Variants in UBA2 observed in about 807,000 individuals in gnomAD.
UBA2 encodes ubiquitin like modifier activating enzyme 2.
UBA2 carries 11 observed loss-of-function variants against 77.2 expected under a neutral mutation model. The observed-to-expected ratio is 0.14, with a 90% CI of 0.09 to 0.24. The LOEUF is 0.24. Among genes scored for constraint, UBA2 ranks in the 10% least tolerant of loss-of-function variants. The pLI, the probability that UBA2 is intolerant of heterozygous loss-of-function variation, is 1.00. For synonymous variants in UBA2, 278 were observed against 276.7 expected, an observed-to-expected ratio of 1.00 and a Z score of -0.05; for missense variants, 487 against 781.7, an observed-to-expected ratio of 0.62 and a Z score of 4.50.
chr19:34,432,804 C>T lies in UBA2; in HGVS notation c.294-544C>T, dbSNP rs191782401. ...TCCCGACCTCAGGTGATCCACCCGCCTTGGCCTCCCAAAGTGCAGGGATTA... is the reference window on the plus strand; with the variant it reads ...TCCCGACCTCAGGTGATCCACCCGCTTTGGCCTCCCAAAGTGCAGGGATTA... On this transcript the variant is annotated intron_variant, in intron 3 of 16. Transcript: ENST00000246548. Among the ~76,000 whole-genome samples, 9 of 152,350 alleles carry T rather than the reference C, an allele frequency of 5.9e-5. No individual in the cohort carries two copies. The East Asian group carries it at 1.7e-3, about 29-fold the overall frequency.
chr19:34,450,247 C>G lies in UBA2; in HGVS notation c.772-18C>G, dbSNP rs771879232. On this transcript the variant is annotated intron_variant, in intron 8 of 16. Transcript: ENST00000246548. ...TTAGGGATTATGGGGTTCATGGGATCTGTCTTTCTTTTGTAAGCTTTTTAA... is the reference window on the plus strand; with the variant it reads ...TTAGGGATTATGGGGTTCATGGGATGTGTCTTTCTTTTGTAAGCTTTTTAA... 5.7e-6 allele frequency: 9 copies of G among 1,569,612 alleles called. No homozygotes were observed. The highest frequency in any genetic ancestry group is 3.5e-5 in the Admixed American group (2 of 57,452).
At chr19:34,445,939 A>G (rs79492554) in intron 8 of UBA2, among the ~76,000 whole-genome samples, 2,510 of 152,260 alleles carry the variant, frequency 0.016, 70 homozygotes, top group African/African-American at 0.058. Flanking sequence ...TTGTTCATCT[A>G]GACCCGTAGG....
rs1599939517 is a variant in UBA2, at chr19:34,467,142, T to C, written c.1741+128T>C. The C allele has an allele frequency of 5.1e-5, 58 of 1,142,538 alleles. 1 individual carries two copies. In the South Asian group the frequency reaches 8.7e-4, roughly 17 times the overall value. 70.8% of individuals were successfully genotyped at this position (1,142,538 alleles called of 1,614,324 possible). ...AGGTGTGTATTGGTTTGGTATTGAT[T>C]GTTGTAATGGAGCTTTGAATTTATG... On this transcript the variant is annotated intron_variant, in intron 16 of 16. Coordinates refer to ENST00000246548, the MANE Select transcript of UBA2 (RefSeq NM_005499.3).
chr19:34,432,960 C>G (rs1358657214), intron 3 of UBA2, among the ~76,000 whole-genome samples: 4 of 152,114 alleles, frequency 2.6e-5, no homozygotes, highest in Non-Finnish European at 4.4e-5. Flanking sequence ...AACAGAGACC[C>G]TAGGGGCCTG....
chr19:34,433,361 G>T lies in UBA2; in HGVS notation c.307G>T (p.Val103Leu). 1.2e-6 allele frequency: 2 copies of T among 1,611,920 alleles called. No individual in the cohort carries two copies. Among genetic ancestry groups the T allele is most frequent in the Non-Finnish European group, 1.7e-6 (2 of 1,178,724 alleles). Residue 103 changes from valine (V) to leucine (L), a missense_variant, in exon 4 of 17, where the codon GTG becomes TTG. Coordinates refer to ENST00000246548, the MANE Select transcript of UBA2 (RefSeq NM_005499.3). ...TTTGTTTTGTAGCCCTGACTATAAT[G>T]TGGAATTTTTCCGACAGTTTATACT... is the stretch of plus-strand genomic sequence containing the variant. ...HDSIMNPDYN[V>L]EFFRQFILVM... is the part of the protein sequence containing the mutation.
intron 6 of UBA2, among the ~76,000 whole-genome samples, chr19:34,440,293 A>G (rs973070506): frequency 2.7e-5 from 4 of 149,584 alleles, no homozygotes; most frequent in East Asian, 1.9e-4. Context: ...GGGGGACAGC[A>G]TGAGATGATG....
intron 5 of UBA2, among the ~76,000 whole-genome samples, chr19:34,438,016 A>T (rs769920585): frequency 4.6e-5 from 7 of 152,082 alleles, no homozygotes; most frequent in Non-Finnish European, 8.8e-5. Flanking sequence ...ATGCCACTGT[A>T]CTCCAGCCAG....
In UBA2 at chr19:34,457,179, A is replaced by AAATATAT. The variant is rs1262007864; in HGVS notation, c.1246-1589_1246-1588insATATATA. 3.4e-3 allele frequency among the ~76,000 whole-genome samples: 180 copies of AAATATAT among 53,206 alleles called. 2 individuals are homozygous for AAATATAT. Among genetic ancestry groups the AAATATAT allele is most frequent in the East Asian group, 0.017 (13 of 752 alleles). 34.9% of individuals were successfully genotyped at this position (53,206 alleles called of 152,430 possible). On this transcript the variant is annotated intron_variant, in intron 12 of 16. Transcript: ENST00000246548. ...CCTGGTCTCTACTAAAAAAAAAAAA[A>AAATATAT]ATATATATATATATATATATATATA...
chr19:34,446,583 A>G (rs974749563), intron 8 of UBA2, among the ~76,000 whole-genome samples: 4 of 149,066 alleles, frequency 2.7e-5, no homozygotes. Context: ...GTGGTAACAG[A>G]TGTCACATGT....
chr19:34,452,144 T>A lies in UBA2; in HGVS notation c.1035T>A (p.Asp345Glu). 6.3e-7 allele frequency: 1 copy of A among 1,587,646 alleles called. No homozygotes were observed. The highest frequency in any genetic ancestry group is 8.6e-7 in the Non-Finnish European group (1 of 1,163,818). Residue 345 changes from aspartate to glutamate, a missense_variant, in exon 10 of 17, where the codon GAT (aspartate) becomes GAA (glutamate). Asp to Glu is a conservative substitution (Grantham distance 45). Around this residue, in one of 9 missense-constraint regions of UBA2, gnomAD observed 300 missense variants for 454.3 expected, o/e 0.66. Transcript: ENST00000246548. Reference sequence around the variant, plus strand: ...GGGATGGAGCTGAGCTCATATGGGATAAGGTTCGTTTTGACAATGTGTGGC... The same window carrying A: ...GGGATGGAGCTGAGCTCATATGGGAAAAGGTTCGTTTTGACAATGTGTGGC... ...EKGDGAELIW[D>E]KDDPSAMDFV...
In UBA2 at chr19:34,450,353, T is replaced by C; in HGVS notation, c.860T>C (p.Val287Ala). Residue 287 changes from valine (V) to alanine (A), a missense_variant, in exon 9 of 17, where the codon GTA (valine) becomes GCA (alanine). By Grantham distance (64) the Val-to-Ala change is moderately conservative. This residue lies in a region of UBA2 where 300 missense variants were observed against 454.3 expected (regional missense o/e 0.66). Transcript: ENST00000246548. ...KPPVPLDWAE[V>A]QSQGEETNAS... ...CCAGTTCCGTTGGACTGGGCTGAAG[T>C]ACAAAGTCAAGGTAAAGAATACATT... 1 of 1,600,442 alleles carries C rather than the reference T, an allele frequency of 6.2e-7. No homozygotes were observed. Among genetic ancestry groups the C allele is most frequent in the Non-Finnish European group, 8.5e-7 (1 of 1,176,472 alleles).
intron 1 of UBA2, 100 bp from the exon 2 acceptor site, chr19:34,430,458 CGCTTTCTCCACTAATGTA>C: frequency 1.7e-6 from 1 of 589,296 alleles, no homozygotes; most frequent in Non-Finnish European, 2.9e-6. Context: ...ATTCGAAAAA[CGCTTTCTCCACTAATGTA>C]GCAGATATCA....
chr19:34,464,735 G>T (rs1313284806), intron 15 of UBA2, among the ~76,000 whole-genome samples: 1 of 152,040 alleles, frequency 6.6e-6, no homozygotes, highest in Admixed American at 6.6e-5. Flanking sequence ...ATTTTTCAAG[G>T]TTCTCTAGAA....
chr19:34,442,883 G>A (rs906638913), intron 6 of UBA2, among the ~76,000 whole-genome samples: 1 of 152,168 alleles, frequency 6.6e-6, no homozygotes, highest in East Asian at 1.9e-4. Context: ...TGTTGGGAGT[G>A]ACTATCAGAG....
chr19:34,464,980 G>C (rs2145569160), intron 15 of UBA2, among the ~76,000 whole-genome samples: 1 of 152,266 alleles, frequency 6.6e-6, no homozygotes, highest in Admixed American at 6.5e-5. Context: ...AGAGGTTGCA[G>C]TGAGCCAAGA....
At position 34,452,021 on chromosome 19, in the gene UBA2, G is replaced by A. The variant is rs148423918; in HGVS notation, c.912G>A (p.Gln304=). The change falls in exon 10 of 17, where the codon CAG becomes CAA. Residue 304 remains glutamine, a synonymous_variant. Coordinates refer to ENST00000246548, the MANE Select transcript of UBA2 (RefSeq NM_005499.3). ...TNASDQQNEP[Q]LGLKDQQVLD... Reference sequence around the variant, plus strand: ...CATCAGATCAACAGAATGAACCCCAGTTAGGCCTGAAAGACCAGCAGGTTC... The same window carrying A: ...CATCAGATCAACAGAATGAACCCCAATTAGGCCTGAAAGACCAGCAGGTTC... The A allele has an allele frequency of 6.2e-7, 1 of 1,604,680 alleles. No individual in the cohort carries two copies. The highest frequency in any genetic ancestry group is 8.5e-7 in the Non-Finnish European group (1 of 1,174,240).
intron 8 of UBA2, among the ~76,000 whole-genome samples, chr19:34,447,466 A>G (rs2075444423): frequency 6.6e-6 from 1 of 152,244 alleles, no homozygotes; most frequent in Non-Finnish European, 1.5e-5. Context: ...TATGGTCAAC[A>G]GCAGTATCTT....
intron 6 of UBA2, among the ~76,000 whole-genome samples, chr19:34,440,503 C>A (rs1311682852): frequency 6.6e-6 from 1 of 152,112 alleles, no homozygotes; most frequent in African/African-American, 2.4e-5. Flanking sequence ...AAAGGGAATA[C>A]TACTTAGCTT....
rs944102853 is a variant in UBA2, at chr19:34,454,155, G to A, written c.1039-105G>A. 5 of 1,038,806 alleles carry A rather than the reference G, an allele frequency of 4.8e-6. No homozygotes were observed. In the East Asian group the frequency reaches 7.2e-5, roughly 15 times the overall value. The allele number at this position is 1,038,806 out of a possible 1,614,324, so 64.3% of individuals were successfully genotyped here. ...CCCTCAGCAACCTCTTGTTCTAGTC[G>A]AAAGTCTATAGTATTATAAACACGT... On this transcript the variant is annotated intron_variant, in intron 10 of 16. Transcript: ENST00000246548.
Sources: gnomAD v4.1 joint callset for allele counts (sites outside exome capture counted in the v4.1 genomes callset) on GRCh38, gnomAD v4.1.1 for gene constraint, gnomAD v4.1.1 regional missense constraint, MANE v1.5 for transcripts, NCBI Gene and HGNC (gene_info 2026-07-23, HGNC 2026-07-21) for gene names.